The following ZBTB20 variants were observed in gnomAD, a reference collection of about 807,000 sequenced individuals.
ZBTB20 encodes zinc finger and BTB domain containing 20, also known as zinc finger and BTB domain-containing protein 20.
ZBTB20 carries 9 observed loss-of-function variants against 56.9 expected under a neutral mutation model. The ratio of observed to expected loss-of-function variants is 0.16; its 90% CI spans 0.10 to 0.28. ZBTB20 has a LOEUF of 0.28. Among genes scored for constraint, ZBTB20 ranks in the 10% least tolerant of loss-of-function variants. ZBTB20 has a pLI of 1.00. For synonymous variants in ZBTB20, 417 were observed against 420.7 expected (o/e 0.99, Z 0.11); for missense variants, 655 against 1,003.0 (o/e 0.65, Z 4.69).
chr3:115,086,752 T>C (rs1200566689), intron 1 of ZBTB20, among the ~76,000 whole-genome samples: 3 of 151,838 alleles, frequency 2.0e-5, no homozygotes, highest in African/African-American at 7.2e-5. Flanking sequence ...GGATCTGTAG[T>C]GCACTAGTCT....
intron 6 of ZBTB20, among the ~76,000 whole-genome samples, chr3:114,615,176 T>A (rs376295959): frequency 5.3e-5 from 8 of 152,204 alleles, no homozygotes; most frequent in African/African-American, 1.9e-4. Flanking sequence ...TCCTATTGGT[T>A]TCCTGGAGTC....
chr3:115,053,763 G>T (rs2081643738), intron 2 of ZBTB20, among the ~76,000 whole-genome samples: 1 of 151,932 alleles, frequency 6.6e-6, no homozygotes, highest in South Asian at 2.1e-4. Flanking sequence ...CTATAAACCT[G>T]TCTGATACTT....
intron 1 of ZBTB20, among the ~76,000 whole-genome samples, chr3:115,085,392 T>G (rs1040723060): frequency 6.6e-6 from 1 of 151,902 alleles, no homozygotes. Context: ...TCCCTGGAAG[T>G]AAGTTGGACA....
At chr3:114,981,268 T>G (rs1189990060) in intron 2 of ZBTB20, among the ~76,000 whole-genome samples, 1 of 152,018 alleles carries the variant, frequency 6.6e-6, no homozygotes, top group Admixed American at 6.6e-5. Context: ...ATGTTTGAAG[T>G]TCCTTCAGAA....
chr3:115,002,034 C>T (rs2079272172), intron 2 of ZBTB20, among the ~76,000 whole-genome samples: 1 of 151,378 alleles, frequency 6.6e-6, no homozygotes, highest in Admixed American at 6.6e-5. Flanking sequence ...TATTTGCAAA[C>T]ATACAACTTA....
chr3:114,755,217 C>T (rs951384739), intron 5 of ZBTB20, among the ~76,000 whole-genome samples: 1 of 152,132 alleles, frequency 6.6e-6, no homozygotes, highest in Admixed American at 6.6e-5. Flanking sequence ...ATACAGTTCA[C>T]CTTTTCAATA....
chr3:114,961,752 G>A (rs2077461583), intron 3 of ZBTB20, among the ~76,000 whole-genome samples: 1 of 151,982 alleles, frequency 6.6e-6, no homozygotes. Context: ...CATTCACCAT[G>A]TCTCTTTTGA....
intron 6 of ZBTB20, among the ~76,000 whole-genome samples, chr3:114,563,914 T>C (rs1422305406): frequency 1.3e-5 from 2 of 152,220 alleles, no homozygotes; most frequent in Middle Eastern, 3.2e-3. Context: ...ATTAGTTTCC[T>C]ATCGCTGCTG....
intron 2 of ZBTB20, among the ~76,000 whole-genome samples, chr3:115,040,962 A>G (rs1198870779): frequency 6.6e-6 from 1 of 152,150 alleles, no homozygotes; most frequent in Non-Finnish European, 1.5e-5. Flanking sequence ...CCTTTATTCA[A>G]AAATCCCATT....
intron 3 of ZBTB20, among the ~76,000 whole-genome samples, chr3:114,955,728 G>C (rs1255084753): frequency 6.6e-6 from 1 of 152,142 alleles, no homozygotes; most frequent in Non-Finnish European, 1.5e-5. Context: ...TCACCTCTCT[G>C]ACTTTGGCTT....
chr3:114,629,946 A>G (rs543132166), intron 6 of ZBTB20, among the ~76,000 whole-genome samples: 22 of 152,172 alleles, frequency 1.4e-4, no homozygotes, highest in Admixed American at 4.6e-4. Context: ...CTAGGAGCTG[A>G]AGACTAGTTT....
intron 7 of ZBTB20, among the ~76,000 whole-genome samples, chr3:114,410,222 T>C (rs2087794572): frequency 6.6e-6 from 1 of 152,120 alleles, no homozygotes; most frequent in Non-Finnish European, 1.5e-5. Flanking sequence ...CAACCCACTT[T>C]TTTTTTTTCT....
intron 4 of ZBTB20, among the ~76,000 whole-genome samples, chr3:114,859,372 T>TCTTC (rs35979753): frequency 4.6e-5 from 7 of 150,694 alleles, no homozygotes; most frequent in South Asian, 4.2e-4. Flanking sequence ...CTCCTTCCTT[T>TCTTC]CTTCCTTCCT....
intron 4 of ZBTB20, among the ~76,000 whole-genome samples, chr3:114,844,520 C>CAAAAAAAAAAAAAAAAAAAAAAAAAA (rs71146342): frequency 4.4e-5 from 1 of 22,810 alleles, no homozygotes; most frequent in African/African-American, 2.5e-4. Flanking sequence ...GTCCCTGTCT[C>CAAAAAAAAAAAAAAAAAAAAAAAAAA]AAAAAAAAAA....
At chr3:114,936,677 AG>A (rs1432040343) in intron 3 of ZBTB20, among the ~76,000 whole-genome samples, 1 of 152,238 alleles carries the variant, frequency 6.6e-6, no homozygotes, top group Non-Finnish European at 1.5e-5. Flanking sequence ...AAATTTTAAA[AG>A]TGAGATACTA....
At chr3:114,574,237 T>C (rs375635601) in intron 6 of ZBTB20, among the ~76,000 whole-genome samples, 2 of 152,190 alleles carry the variant, frequency 1.3e-5, no homozygotes, top group Non-Finnish European at 2.9e-5. Context: ...TAAATGACAT[T>C]GTGATAAACA....
chr3:114,479,067 G>GCC (rs1491265953), intron 7 of ZBTB20, among the ~76,000 whole-genome samples: 1 of 4,794 alleles, frequency 2.1e-4, no homozygotes, highest in Non-Finnish European at 4.1e-4. Context: ...TTCCTCTATT[G>GCC]GGGGGGGGCC....
intron 5 of ZBTB20, among the ~76,000 whole-genome samples, chr3:114,716,926 TG>T (rs1360069413): frequency 2.0e-5 from 3 of 151,176 alleles, no homozygotes; most frequent in Non-Finnish European, 3.0e-5. Context: ...TGAAAAAAAG[TG>T]GGGGGTATTC....
chr3:114,576,501 C>CAAAAAAAAAAAAAAAAAAAAAAAAAAAAA (rs61714991), intron 6 of ZBTB20, among the ~76,000 whole-genome samples: 1 of 24,082 alleles, frequency 4.2e-5, no homozygotes, highest in Non-Finnish European at 7.7e-5. Context: ...GACTCCGTCT[C>CAAAAAAAAAAAAAAAAAAAAAAAAAAAAA]AAAAAAAAAA....
Sources: gnomAD v4.1 joint callset for allele counts (sites outside exome capture counted in the v4.1 genomes callset) on GRCh38, gnomAD v4.1.1 for gene constraint, MANE v1.5 for transcripts, NCBI Gene and HGNC (gene_info 2026-07-23, HGNC 2026-07-21) for gene names.